BABAM2: variants seen among roughly 807,000 people sequenced by gnomAD.
The protein encoded by BABAM2 is BRISC and BRCA1-A complex member 2.
BABAM2 carries 31 observed loss-of-function variants against 54.7 expected under a neutral mutation model. The observed-to-expected ratio is 0.57, with a 90% CI of 0.43 to 0.77. The LOEUF is 0.77. Among genes scored for constraint, BABAM2 ranks in the 30% least tolerant of loss-of-function variants. BABAM2 has a pLI of 0.00. For synonymous variants in BABAM2, 167 were observed against 162.9 expected (o/e 1.03, Z -0.19); for missense variants, 364 against 455.8 (o/e 0.80, Z 1.83).
chr2:28,266,545 A>G (rs1284900410), intron 10 of BABAM2, among the ~76,000 whole-genome samples: 3 of 152,234 alleles, frequency 2.0e-5, no homozygotes, highest in African/African-American at 7.2e-5. Context: ...ATAAGATCTT[A>G]TAGTATTTCA....
At chr2:28,064,065 G>A (rs556075444) in intron 6 of BABAM2, among the ~76,000 whole-genome samples, 1 of 152,306 alleles carries the variant, frequency 6.6e-6, no homozygotes, top group South Asian at 2.1e-4. Flanking sequence ...ACTGGATGAA[G>A]GGTTGGGATT....
At chr2:28,061,441 T>A (rs1678858577) in intron 6 of BABAM2, among the ~76,000 whole-genome samples, 1 of 151,488 alleles carries the variant, frequency 6.6e-6, no homozygotes, top group East Asian at 1.9e-4. Context: ...AAAAATTAGC[T>A]GGGCGTGGTG....
At chr2:27,963,935 G>A (rs149433391) in intron 3 of BABAM2, among the ~76,000 whole-genome samples, 2 of 152,292 alleles carry the variant, frequency 1.3e-5, no homozygotes, top group Non-Finnish European at 2.9e-5. Context: ...AGGTTAGTAC[G>A]TTGGTTTGGA....
intron 7 of BABAM2, among the ~76,000 whole-genome samples, chr2:28,196,919 A>G (rs1677643371): frequency 7.6e-6 from 1 of 131,352 alleles, no homozygotes; most frequent in Non-Finnish European, 1.5e-5. Flanking sequence ...ATCTCAGCTC[A>G]CTGCAGCCTC....
chr2:27,890,261 C>G, upstream of BABAM2: 1 of 1,613,710 alleles, frequency 6.2e-7, no homozygotes, highest in Non-Finnish European at 8.5e-7. The surrounding 1 kb of genome is among the most constrained non-coding windows in gnomAD (Gnocchi z 4.8). Flanking sequence ...ACTAACCTGA[C>G]CAGGTCGGTC....
chr2:28,207,896 G>A (rs532684564), intron 7 of BABAM2, among the ~76,000 whole-genome samples: 7 of 152,074 alleles, frequency 4.6e-5, no homozygotes, highest in African/African-American at 1.7e-4. Flanking sequence ...TTTTTTTGTT[G>A]TTTTTATTTT....
chr2:27,915,661 T>A (rs938273291), intron 2 of BABAM2, among the ~76,000 whole-genome samples: 3 of 105,978 alleles, frequency 2.8e-5, no homozygotes, highest in Non-Finnish European at 5.6e-5. Flanking sequence ...ATATAAGAAT[T>A]TGAAGATATA....
At chr2:28,316,119 T>C (rs1325340392) in intron 11 of BABAM2, among the ~76,000 whole-genome samples, 2 of 152,186 alleles carry the variant, frequency 1.3e-5, no homozygotes, top group African/African-American at 2.4e-5. Context: ...GTATGCCCCA[T>C]GCAGTATTGA....
intron 1 of BABAM2, among the ~76,000 whole-genome samples, chr2:27,892,801 A>C (rs1664968956): frequency 6.6e-6 from 1 of 152,204 alleles, no homozygotes; most frequent in African/African-American, 2.4e-5. Flanking sequence ...CTTTGAAATG[A>C]GAGACTAGTC....
intron 10 of BABAM2, among the ~76,000 whole-genome samples, chr2:28,290,693 GAGGTGC>G (rs1381720156): frequency 6.6e-6 from 1 of 152,182 alleles, no homozygotes; most frequent in African/African-American, 2.4e-5. Context: ...AAAATCACTT[GAGGTGC>G]ATTTTCAGAA....
intron 10 of BABAM2, among the ~76,000 whole-genome samples, chr2:28,260,089 C>T (rs377273758): frequency 4.0e-5 from 6 of 151,660 alleles, no homozygotes; most frequent in Admixed American, 2.6e-4. Context: ...TTAGTAGAGA[C>T]GGGGTTTCAC....
intron 3 of BABAM2, among the ~76,000 whole-genome samples, chr2:27,933,527 T>C (rs72810593): frequency 0.08 from 12,123 of 151,616 alleles, 748 homozygotes; most frequent in African/African-American, 0.17. Context: ...TACACACACA[T>C]ATGTGATCTT....
intron 7 of BABAM2, among the ~76,000 whole-genome samples, chr2:28,152,665 T>C (rs770839151): frequency 6.6e-6 from 1 of 152,174 alleles, no homozygotes; most frequent in African/African-American, 2.4e-5. Flanking sequence ...ACAGAAATAC[T>C]GGTATTTTGG....
chr2:27,938,030 C>T (rs1191952005), intron 3 of BABAM2, among the ~76,000 whole-genome samples: 2 of 152,166 alleles, frequency 1.3e-5, no homozygotes, highest in Non-Finnish European at 2.9e-5. Flanking sequence ...TGTGGATATG[C>T]AGTTTTCCCA....
At chr2:28,136,924 T>G (rs1422112785) in intron 7 of BABAM2, among the ~76,000 whole-genome samples, 3 of 152,198 alleles carry the variant, frequency 2.0e-5, no homozygotes, top group Non-Finnish European at 4.4e-5. Flanking sequence ...TTCGGATAAA[T>G]TGGATCAAAT....
At chr2:28,115,836 C>T (rs186369003) in intron 6 of BABAM2, among the ~76,000 whole-genome samples, 15 of 151,668 alleles carry the variant, frequency 9.9e-5, no homozygotes, top group Non-Finnish European at 1.9e-4. Flanking sequence ...ATTGGGAGGC[C>T]GGGCATGGTG....
chr2:27,969,799 T>G (rs1671076577), intron 3 of BABAM2, among the ~76,000 whole-genome samples: 1 of 152,116 alleles, frequency 6.6e-6, no homozygotes, highest in Non-Finnish European at 1.5e-5. Context: ...ATCTAGTGGG[T>G]AGAGACCAGG....
intron 4 of BABAM2, chr2:28,016,226 C>T (rs1674802431): frequency 6.5e-6 from 6 of 926,340 alleles, no homozygotes; most frequent in Non-Finnish European, 8.6e-6. Context: ...TTTGGATGAG[C>T]TCTCACTTGC....
chr2:28,009,814 C>T (rs922559341), intron 4 of BABAM2, among the ~76,000 whole-genome samples: 1 of 152,116 alleles, frequency 6.6e-6, no homozygotes, highest in Non-Finnish European at 1.5e-5. Flanking sequence ...CCATTTTAAG[C>T]CTCCTGGAGA....
Sources: allele counts gnomAD v4.1 joint callset (sites outside exome capture counted in the v4.1 genomes callset), GRCh38; gene constraint gnomAD v4.1.1; non-coding constraint Gnocchi (gnomAD v3.1); transcripts MANE v1.5; gene names NCBI Gene and HGNC (gene_info 2026-07-23, HGNC 2026-07-21).